Variants in RPS6KA6 observed in about 807,000 individuals in gnomAD.
RPS6KA6 encodes ribosomal protein S6 kinase alpha-6.
In RPS6KA6, 27 loss-of-function variants were observed where a neutral mutation model predicts 65.4. The ratio of observed to expected loss-of-function variants is 0.41; its 90% CI spans 0.30 to 0.57. RPS6KA6 has a LOEUF of 0.57. RPS6KA6 is among the 20% of genes least tolerant of loss of function. The probability of loss-of-function intolerance (pLI) is 0.24; values close to 1 mark genes in which losing one functional copy is unlikely to be tolerated. For missense variants in RPS6KA6, 486 were observed against 555.6 expected, an observed-to-expected ratio of 0.87 and a Z score of 1.26; for synonymous variants, 190 against 184.2, an observed-to-expected ratio of 1.03 and a Z score of -0.26.
chrX:84,178,194 T>A (rs981523288), intron 1 of RPS6KA6, among the ~76,000 whole-genome samples: 1 of 112,164 alleles, frequency 8.9e-6, no homozygotes, highest in Non-Finnish European at 1.9e-5. Flanking sequence ...AGAGATAGTT[T>A]CTAGAATATG....
chrX:84,103,676 A>G (rs2034300206), intron 17 of RPS6KA6, among the ~76,000 whole-genome samples: 1 of 111,087 alleles, frequency 9.0e-6, no homozygotes, highest in South Asian at 3.7e-4. Context: ...TTCATGCTTT[A>G]TTTTAGAGAG....
At chrX:84,109,725 T>G (rs1362591095) in intron 12 of RPS6KA6, among the ~76,000 whole-genome samples, 2 of 110,633 alleles carry the variant, frequency 1.8e-5, no homozygotes, top group Non-Finnish European at 3.8e-5. Flanking sequence ...GTTCTGCCTG[T>G]GACTCCAAGA....
intron 1 of RPS6KA6, among the ~76,000 whole-genome samples, chrX:84,173,017 T>C (rs1486733692): frequency 9.0e-6 from 1 of 110,729 alleles, no homozygotes; most frequent in East Asian, 2.8e-4. Context: ...TTTTGCAAGG[T>C]AAAAACAGTC....
At chrX:84,133,568 A>C (rs1602442544) in intron 8 of RPS6KA6, among the ~76,000 whole-genome samples, 2 of 111,234 alleles carry the variant, frequency 1.8e-5, no homozygotes, top group South Asian at 7.5e-4. Context: ...ACTTGGCATC[A>C]TTATTTACGT....
At chrX:84,088,570 C>T (rs958978821) in intron 20 of RPS6KA6, among the ~76,000 whole-genome samples, 3 of 111,945 alleles carry the variant, frequency 2.7e-5, no homozygotes, top group Non-Finnish European at 5.6e-5. Flanking sequence ...GTCTGGAGAT[C>T]CCTGTTGGGA....
Position 84,148,032 on chromosome X carries a change from A to G in RPS6KA6, c.340+10T>C, listed in dbSNP as rs1391164659. The G allele has an allele frequency of 9.2e-7, 1 of 1,083,929 alleles. No individual in the cohort carries two copies. Among genetic ancestry groups the G allele is most frequent in the South Asian group, 2.1e-5 (1 of 47,502 alleles). 89.3% of individuals were successfully genotyped at this position (1,083,929 alleles called of 1,213,427 possible). A position where few individuals can be genotyped will look rare whatever the true frequency, so the allele number is the denominator to read the frequency against. On this transcript the variant is annotated intron_variant, in intron 4 of 21. Transcript: ENST00000262752. ...CAAATTCTATTTTAATAAACTTTCT[A>G]ATTTTCTACCTTTTAAAGAGGCTTT...
At chrX:84,100,602 G>T (rs1198149291) in intron 18 of RPS6KA6, among the ~76,000 whole-genome samples, 2 of 110,152 alleles carry the variant, frequency 1.8e-5, no homozygotes, top group African/African-American at 6.6e-5. Flanking sequence ...TATTTATGAG[G>T]ACCTTTATGA....
intron 9 of RPS6KA6, among the ~76,000 whole-genome samples, chrX:84,118,742 T>C (rs2034614750): frequency 8.9e-6 from 1 of 111,874 alleles, no homozygotes; most frequent in Admixed American, 9.5e-5. Context: ...CTTTGAAATC[T>C]CTATAATCTT....
chrX:84,127,614 C>G (rs778190322), intron 8 of RPS6KA6, among the ~76,000 whole-genome samples: 39 of 110,957 alleles, frequency 3.5e-4, no homozygotes, highest in Non-Finnish European at 5.9e-4. Context: ...AAAGACTGTT[C>G]ATCATGACCA....
intron 8 of RPS6KA6, among the ~76,000 whole-genome samples, chrX:84,128,221 C>G (rs2034830934): frequency 9.0e-6 from 1 of 110,719 alleles, no homozygotes; most frequent in African/African-American, 3.3e-5. Flanking sequence ...CTTACAATAG[C>G]TAAAAATAAA....
At chrX:84,082,802 G>A (rs1485030112) in intron 20 of RPS6KA6, among the ~76,000 whole-genome samples, 2 of 110,873 alleles carry the variant, frequency 1.8e-5, no homozygotes, top group Non-Finnish European at 3.8e-5. Context: ...ACACATCTAC[G>A]ACCATCTGGT....
intron 17 of RPS6KA6, among the ~76,000 whole-genome samples, chrX:84,104,198 G>T (rs1355320150): frequency 1.8e-5 from 2 of 110,810 alleles, no homozygotes; most frequent in Non-Finnish European, 3.8e-5. Context: ...TATGTCTTTG[G>T]TTAATTCTTT....
chrX:84,077,278 A>G (rs1602378326), intron 20 of RPS6KA6, among the ~76,000 whole-genome samples: 1 of 111,560 alleles, frequency 9.0e-6, no homozygotes, highest in East Asian at 2.8e-4. Context: ...CAAAGCACCC[A>G]AAATAGCAAA....
intron 14 of RPS6KA6, 74 bp downstream of exon 14, chrX:84,106,836 C>T: frequency 1.5e-5 from 13 of 843,105 alleles, no homozygotes; most frequent in South Asian, 6.6e-5. Flanking sequence ...TTAAAAAAAA[C>T]GATTAAAAAT....
At chrX:84,159,901 C>A (rs1326706960) in intron 2 of RPS6KA6, among the ~76,000 whole-genome samples, 1 of 110,575 alleles carries the variant, frequency 9.0e-6, no homozygotes, top group Non-Finnish European at 1.9e-5. Flanking sequence ...AAGGAGAAGA[C>A]TCATCTATAA....
intron 12 of RPS6KA6, among the ~76,000 whole-genome samples, chrX:84,114,033 A>G (rs2034519659): frequency 8.9e-6 from 1 of 112,028 alleles, no homozygotes; most frequent in Non-Finnish European, 1.9e-5. Flanking sequence ...AATCTCATTA[A>G]CAACAGCCGC....
chrX:84,118,220 G>A (rs1188849199), intron 9 of RPS6KA6, among the ~76,000 whole-genome samples: 3 of 111,606 alleles, frequency 2.7e-5, no homozygotes, highest in Non-Finnish European at 5.6e-5. Context: ...CACAATCTAA[G>A]TGAGCTTATA....
intron 18 of RPS6KA6, among the ~76,000 whole-genome samples, chrX:84,099,178 T>G (rs2034213855): frequency 9.0e-6 from 1 of 111,138 alleles, no homozygotes; most frequent in African/African-American, 3.3e-5. Flanking sequence ...CATATACTCC[T>G]ATAACCTTCC....
intron 6 of RPS6KA6, among the ~76,000 whole-genome samples, chrX:84,145,087 C>G (rs2035176127): frequency 9.0e-6 from 1 of 110,813 alleles, no homozygotes; most frequent in South Asian, 3.8e-4. Context: ...ATGATGGTTT[C>G]ACAGTTATAT....
Sources: gnomAD v4.1 joint callset for allele counts (sites outside exome capture counted in the v4.1 genomes callset) on GRCh38, gnomAD v4.1.1 for gene constraint, MANE v1.5 for transcripts, NCBI Gene and HGNC (gene_info 2026-07-23, HGNC 2026-07-21) for gene names.